The following VPS13C variants were observed in gnomAD, a reference collection of about 807,000 sequenced individuals.
The protein encoded by VPS13C is vacuolar protein sorting 13 homolog C.
VPS13C carries 358 observed loss-of-function variants against 456.8 expected under a neutral mutation model. That is an observed-to-expected ratio of 0.78 (90% CI 0.72 to 0.86). The LOEUF is 0.86. Ranked by LOEUF, VPS13C falls within the 40% of genes least tolerant of loss-of-function variation. The probability of loss-of-function intolerance (pLI) is 0.00; values close to 1 mark genes in which losing one functional copy is unlikely to be tolerated. For missense variants in VPS13C, 4,818 were observed against 4,385.4 expected, an observed-to-expected ratio of 1.10 and a Z score of -2.79; for synonymous variants, 1,578 against 1,486.7, an observed-to-expected ratio of 1.06 and a Z score of -1.41.
At chr15:61,918,389 T>C (rs1044771598) in intron 58 of VPS13C, 132 bp from the exon 59 acceptor site, 2 of 840,112 alleles carry the variant, frequency 2.4e-6, no homozygotes, top group East Asian at 3.1e-5. Flanking sequence ...TTATTGGCAA[T>C]TGAAAAATTT....
chr15:61,909,510 T>TA (rs2043241392), intron 64 of VPS13C, among the ~76,000 whole-genome samples: 1 of 152,214 alleles, frequency 6.6e-6, no homozygotes, highest in Admixed American at 6.5e-5. Context: ...CCCGGCCTGT[T>TA]TCCTTAAGTT....
In VPS13C at chr15:61,951,011, T is replaced by C; in HGVS notation, c.4470A>G (p.Glu1490=). Residue 1490 remains glutamate, a synonymous_variant, in exon 40 of 85, where the codon GAA becomes GAG. Coordinates refer to ENST00000644861, the MANE Select transcript of VPS13C (RefSeq NM_020821.3). ...QCFDFTDSKG[E]PLHIINSSNV... ...TAGAAGAGTTAATAATGTGAAGAGG[T>C]TCCCCTTTAGAGTCTAAAAGAGAAA... The C allele has an allele frequency of 6.3e-7, 1 of 1,597,196 alleles. No homozygotes were observed. The highest frequency in any genetic ancestry group is 8.5e-7 in the Non-Finnish European group (1 of 1,172,646).
At position 61,920,287 on chromosome 15, in the gene VPS13C, C is replaced by T; in HGVS notation, c.7257G>A (p.Lys2419=). Residue 2419 remains lysine (K), a synonymous_variant, in exon 57 of 85, where the codon AAG becomes AAA. Transcript: ENST00000644861. ...GTASTFDYSL[K]DRAPFTVKNA... ...TTTTTACCGTAAAAGGAGCTCTGTC[C>T]TTTAAAGAGTAGTCAAAAGTAGAAG... The T allele has an allele frequency of 5.6e-6, 9 of 1,611,572 alleles. No homozygotes were observed. The highest frequency in any genetic ancestry group is 4.0e-5 in the African/African-American group (3 of 74,988).
chr15:62,007,182 A>C, intron 15 of VPS13C, 126 bp downstream of exon 15: 1 of 868,516 alleles, frequency 1.2e-6, no homozygotes, highest in Non-Finnish European at 1.5e-6. Context: ...TTCCCACATA[A>C]TTCTCTCTCA....
intron 16 of VPS13C, 53 bp from the exon 17 acceptor site, chr15:61,991,855 T>G: frequency 1.3e-6 from 2 of 1,570,728 alleles, no homozygotes; most frequent in East Asian, 4.5e-5. Context: ...CTCTTCATTT[T>G]CAGGTGTAGC....
At position 61,858,318 on chromosome 15, in the gene VPS13C, CTAT is replaced by C. The variant is rs1185478146; in HGVS notation, c.10953-1912_10953-1910del. On this transcript the variant is annotated intron_variant, in intron 82 of 84. Coordinates refer to ENST00000644861, the MANE Select transcript of VPS13C (RefSeq NM_020821.3). The surrounding 1 kb of genome is among the most constrained non-coding windows in gnomAD (Gnocchi z 4.4). ...CTCGAGATTTTTATCCAAACTCCAACTATCTATCTATCTATCTATCTATCTATC... is the reference window on the plus strand; with the variant it reads ...CTCGAGATTTTTATCCAAACTCCAACCTATCTATCTATCTATCTATCTATC... Among the ~76,000 whole-genome samples the C allele has an allele frequency of 1.4e-3, 16 of 11,752 alleles. No individual in the cohort carries two copies. Among genetic ancestry groups the C allele is most frequent in the African/African-American group, 3.2e-3 (16 of 5,078 alleles). The allele number at this position is 11,752 out of a possible 152,430, so 7.7% of individuals were successfully genotyped here.
intron 8 of VPS13C, 117 bp from the exon 9 acceptor site, chr15:62,020,655 G>T: frequency 1.1e-6 from 1 of 893,912 alleles, no homozygotes; most frequent in South Asian, 2.0e-5. Context: ...AACCCAAATG[G>T]ATTTGTGGAA....
chr15:61,958,516 ATATAT>A (rs1265351589), intron 37 of VPS13C, 87 bp downstream of exon 37: 2 of 734,690 alleles, frequency 2.7e-6, no homozygotes, highest in African/African-American at 3.8e-5. Context: ...ATTTGTAAAC[ATATAT>A]TTGTTTACTT....
intron 22 of VPS13C, 59 bp downstream of exon 22, chr15:61,981,283 G>T: frequency 1.3e-6 from 2 of 1,505,632 alleles, no homozygotes; most frequent in Non-Finnish European, 1.8e-6. Context: ...CAAACTGTTG[G>T]AGAGTTAGCT....
intron 24 of VPS13C, 140 bp downstream of exon 24, chr15:61,976,942 A>G: frequency 1.8e-6 from 1 of 560,990 alleles, no homozygotes; most frequent in African/African-American, 2.0e-5. Flanking sequence ...TTTTCTTAAA[A>G]ATGTATTTCT....
rs553658973 is a variant in VPS13C, at chr15:61,869,899, C to T, written c.10625-276G>A. 1.5e-3 allele frequency among the ~76,000 whole-genome samples: 226 copies of T among 152,262 alleles called. 2 individuals are homozygous for T. Among genetic ancestry groups the T allele is most frequent in the Non-Finnish European group, 2.0e-3 (137 of 68,028 alleles). On this transcript the variant is annotated intron_variant, in intron 79 of 84. Coordinates refer to ENST00000644861, the MANE Select transcript of VPS13C (RefSeq NM_020821.3). ...TGTTTTTCTAAGCACTCCAGGTGATCCTGACACATGCTCAAGTTTGAGAAC... is the reference window on the plus strand; with the variant it reads ...TGTTTTTCTAAGCACTCCAGGTGATTCTGACACATGCTCAAGTTTGAGAAC...
intron 84 of VPS13C, 62 bp downstream of exon 84, chr15:61,854,809 A>G (rs550014743): frequency 7.0e-7 from 1 of 1,418,776 alleles, no homozygotes; most frequent in African/African-American, 1.4e-5. Context: ...ATTCATTATA[A>G]GAGGCTTTTA....
chr15:61,906,815 C>A, intron 66 of VPS13C: 1 of 171,610 alleles, frequency 5.8e-6, no homozygotes, highest in South Asian at 1.3e-4. Flanking sequence ...AATATTGTTT[C>A]GATAAATATT....
At chr15:62,000,521 T>C in intron 16 of VPS13C, 43 bp downstream of exon 16, 1 of 1,562,000 alleles carries the variant, frequency 6.4e-7, no homozygotes, top group Non-Finnish European at 8.7e-7. Context: ...AAAGCGGGCA[T>C]TAACATGTTT....
At chr15:61,971,232 C>T (rs1396202431) in intron 27 of VPS13C, among the ~76,000 whole-genome samples, 2 of 152,096 alleles carry the variant, frequency 1.3e-5, no homozygotes, top group African/African-American at 4.8e-5. Context: ...AGAGTAGTAA[C>T]ATGATCTGAC....
rs896009651 is a variant in VPS13C, at chr15:61,929,529, A to C, written c.6258T>G (p.Thr2086=). 4 of 1,613,980 alleles carry C rather than the reference A, an allele frequency of 2.5e-6. No homozygotes were observed. Among genetic ancestry groups the C allele is most frequent in the Non-Finnish European group, 3.4e-6 (4 of 1,180,004 alleles). The part of the protein sequence containing the change: ...AKETQILPRQ[T]ATGKVKIEKD... The stretch of plus-strand genomic sequence containing the variant: ...TCTCTATCTTGACCTTCCCTGTGGC[A>C]GTCTGTCTTGGTAAAATCTGTGTTT... Residue 2086 remains threonine, a synonymous_variant, in exon 51 of 85, where the codon ACT becomes ACG. Coordinates refer to ENST00000644861, the MANE Select transcript of VPS13C (RefSeq NM_020821.3).
chr15:62,018,537 G>A (rs1296289882), intron 9 of VPS13C, among the ~76,000 whole-genome samples: 1 of 151,732 alleles, frequency 6.6e-6, no homozygotes, highest in Non-Finnish European at 1.5e-5. Context: ...TGCATCTATT[G>A]AGATAATCAT....
At chr15:61,981,063 A>G (rs985662550) in intron 22 of VPS13C, among the ~76,000 whole-genome samples, 9 of 152,230 alleles carry the variant, frequency 5.9e-5, no homozygotes, top group Admixed American at 4.6e-4. Context: ...AGCCCTGGAA[A>G]CTATGAAAAC....
At chr15:61,971,127 A>C (rs985108420) in intron 27 of VPS13C, among the ~76,000 whole-genome samples, 1 of 152,222 alleles carries the variant, frequency 6.6e-6, no homozygotes, top group African/African-American at 2.4e-5. Context: ...CTGGCCAGTC[A>C]TATGAGGTGT....
Sources: gnomAD v4.1 joint callset for allele counts (sites outside exome capture counted in the v4.1 genomes callset) on GRCh38, gnomAD v4.1.1 for gene constraint, Gnocchi (gnomAD v3.1) non-coding constraint, MANE v1.5 for transcripts, NCBI Gene and HGNC (gene_info 2026-07-23, HGNC 2026-07-21) for gene names.